The following ANKS1B variants were observed in gnomAD, a reference collection of about 807,000 sequenced individuals.
ANKS1B encodes the protein ankyrin repeat and sterile alpha motif domain containing 1B.
In ANKS1B, 36 loss-of-function variants were observed where a neutral mutation model predicts 148.3. The ratio of observed to expected loss-of-function variants is 0.24; its 90% confidence interval spans 0.19 to 0.32. The LOEUF (loss-of-function observed/expected upper bound fraction) is 0.32. Among genes scored for constraint, ANKS1B ranks in the 10% least tolerant of loss-of-function variants. The pLI is 1.00. For synonymous variants in ANKS1B, 542 were observed against 560.8 expected (o/e 0.97, Z 0.47); for missense variants, 1,157 against 1,542.6 (o/e 0.75, Z 4.19).
intron 8 of ANKS1B, among the ~76,000 whole-genome samples, chr12:99,663,378 C>T (rs1044896207): frequency 2.0e-5 from 3 of 152,094 alleles, no homozygotes; most frequent in African/African-American, 2.4e-5. Flanking sequence ...CTGTTAAATA[C>T]GTTTCTATAA....
chr12:99,949,959 ATTTG>A (rs1201315225), intron 1 of ANKS1B, among the ~76,000 whole-genome samples: 3 of 150,928 alleles, frequency 2.0e-5, no homozygotes, highest in Admixed American at 6.6e-5. Flanking sequence ...AGCCACTCTT[ATTTG>A]TTTGTTTGTT....
chr12:98,809,885 T>G (rs965803144), intron 19 of ANKS1B, among the ~76,000 whole-genome samples: 1 of 152,136 alleles, frequency 6.6e-6, no homozygotes, highest in African/African-American at 2.4e-5. Flanking sequence ...TCGGAATTAA[T>G]GTTAAAATAG....
At chr12:99,647,978 C>A (rs985902482) in intron 9 of ANKS1B, 1 of 685,924 alleles carries the variant, frequency 1.5e-6, no homozygotes, top group Non-Finnish European at 2.4e-6. Flanking sequence ...AGGGGACTGA[C>A]TGTCTCTGGC....
chr12:99,845,370 T>C (rs563129562), intron 1 of ANKS1B, among the ~76,000 whole-genome samples: 1 of 152,276 alleles, frequency 6.6e-6, no homozygotes, highest in South Asian at 2.1e-4. Flanking sequence ...GTTTGTCTTA[T>C]ATGGCTCTTA....
chr12:98,867,651 G>C (rs1032148445), intron 17 of ANKS1B, among the ~76,000 whole-genome samples: 17 of 152,054 alleles, frequency 1.1e-4, no homozygotes, highest in African/African-American at 4.1e-4. Flanking sequence ...ACGAGATCAG[G>C]AGATCAAGAC....
intron 1 of ANKS1B, among the ~76,000 whole-genome samples, chr12:99,934,845 AG>A (rs1251543846): frequency 6.6e-6 from 1 of 152,130 alleles, no homozygotes; most frequent in African/African-American, 2.4e-5. Flanking sequence ...TATATAAAGG[AG>A]GGAGGAGATA....
In ANKS1B at chr12:99,944,879, C is replaced by T. The variant is rs535023328; in HGVS notation, c.134+39225G>A. On this transcript the variant is annotated intron_variant, in intron 1 of 26. Coordinates refer to ENST00000683438, the MANE Select transcript of ANKS1B (RefSeq NM_001352186.2). ...AGTGAAAAACTCAAGAAGAAGCTGG[C>T]CTTTAAGCTGACTTTGGAGAATGTG... 2.0e-5 allele frequency among the ~76,000 whole-genome samples: 3 copies of T among 152,166 alleles called. No homozygotes were observed. The South Asian group carries it at 6.2e-4, about 32-fold the overall frequency.
intron 1 of ANKS1B, among the ~76,000 whole-genome samples, chr12:99,929,591 G>A (rs2094561117): frequency 6.6e-6 from 1 of 152,262 alleles, no homozygotes; most frequent in East Asian, 1.9e-4. Context: ...GTTCTGAATG[G>A]TATTGCCTAG....
intron 1 of ANKS1B, among the ~76,000 whole-genome samples, chr12:99,930,842 G>A (rs1378424832): frequency 2.0e-5 from 3 of 152,164 alleles, no homozygotes; most frequent in African/African-American, 2.4e-5. Context: ...CCCATTACTG[G>A]GTATATACCC....
chr12:99,670,426 T>C (rs1258209907), intron 8 of ANKS1B, among the ~76,000 whole-genome samples: 1 of 152,164 alleles, frequency 6.6e-6, no homozygotes, highest in Non-Finnish European at 1.5e-5. Flanking sequence ...CTGAACTTCC[T>C]GTGTGCATAA....
intron 1 of ANKS1B, among the ~76,000 whole-genome samples, chr12:99,909,506 T>A (rs577938943): frequency 6.6e-6 from 1 of 152,186 alleles, no homozygotes; most frequent in Non-Finnish European, 1.5e-5. Context: ...CTAATTTACA[T>A]ACAAAAGTTT....
At chr12:99,931,043 G>A (rs1170263103) in intron 1 of ANKS1B, among the ~76,000 whole-genome samples, 1 of 152,110 alleles carries the variant, frequency 6.6e-6, no homozygotes, top group Admixed American at 6.5e-5. Context: ...TCCTTTGTAG[G>A]GACATGGATG....
intron 8 of ANKS1B, among the ~76,000 whole-genome samples, chr12:99,690,678 C>T (rs1004379619): frequency 1.3e-5 from 2 of 152,198 alleles, no homozygotes; most frequent in East Asian, 1.9e-4. Flanking sequence ...TGGCCTTAGG[C>T]AGCTCCACCC....
chr12:99,086,248 A>G (rs899848746), intron 15 of ANKS1B, among the ~76,000 whole-genome samples: 3 of 152,262 alleles, frequency 2.0e-5, no homozygotes, highest in Middle Eastern at 6.8e-3. Flanking sequence ...ATCTAATCAG[A>G]TATAGGAAAA....
chr12:99,716,254 T>C (rs1028215514), intron 8 of ANKS1B, among the ~76,000 whole-genome samples: 2 of 150,806 alleles, frequency 1.3e-5, no homozygotes, highest in Admixed American at 1.3e-4. Context: ...TGCCCTGACC[T>C]CTTATCTCTG....
At chr12:98,975,228 A>T (rs1191114878) in intron 17 of ANKS1B, among the ~76,000 whole-genome samples, 33 of 45,940 alleles carry the variant, frequency 7.2e-4, no homozygotes, top group Non-Finnish European at 9.6e-4. Context: ...CCTCCCTCCC[A>T]TCTCCTTCCT....
intron 1 of ANKS1B, among the ~76,000 whole-genome samples, chr12:99,958,089 T>C (rs535988176): frequency 2.6e-5 from 4 of 152,258 alleles, no homozygotes; most frequent in Admixed American, 2.0e-4. Context: ...CAAAGCTTCC[T>C]TGAAGAGATG....
chr12:99,262,249 T>C (rs1454898440), intron 12 of ANKS1B, among the ~76,000 whole-genome samples: 1 of 152,080 alleles, frequency 6.6e-6, no homozygotes, highest in Non-Finnish European at 1.5e-5. Flanking sequence ...TAAAAAAATA[T>C]ATATTTTACT....
intron 9 of ANKS1B, among the ~76,000 whole-genome samples, chr12:99,653,906 C>G (rs2098437645): frequency 6.6e-6 from 1 of 152,042 alleles, no homozygotes; most frequent in African/African-American, 2.4e-5. Flanking sequence ...TCAAGCAATC[C>G]ACCCTCCTCG....
Sources: allele counts gnomAD v4.1 joint callset (sites outside exome capture counted in the v4.1 genomes callset), GRCh38; gene constraint gnomAD v4.1.1; transcripts MANE v1.5; gene names NCBI Gene and HGNC (gene_info 2026-07-23, HGNC 2026-07-21).